Variants in ATRX observed in about 807,000 individuals in gnomAD.
The protein encoded by ATRX is ATRX chromatin remodeler.
A neutral mutation model predicts 172.6 loss-of-function variants in ATRX; 12 were observed. The observed-to-expected ratio is 0.07, with a 90% confidence interval of 0.04 to 0.11. The LOEUF is 0.11. Ranked by LOEUF, ATRX falls within the 10% of genes least tolerant of loss-of-function variation. The pLI is 1.00. For synonymous variants in ATRX, 674 were observed against 594.7 expected (o/e 1.13, Z -1.94); for missense variants, 1,368 against 1,767.4 (o/e 0.77, Z 4.05).
intron 30 of ATRX, among the ~76,000 whole-genome samples, chrX:77,529,743 C>A (rs1234132935): frequency 1.8e-5 from 2 of 111,952 alleles, no homozygotes; most frequent in African/African-American, 6.5e-5. Context: ...GAAGCAACCA[C>A]ACAAACAAGT....
rs781850603 is a variant in ATRX, at chrX:77,786,010, T to C, written c.-9A>G. ...ATGGGCTCAGCGGTCATGTTTTCGC[T>C]TGAACGCCTTGTCGGCTTCTGTGAT... On this transcript the variant is annotated 5_prime_UTR_variant, in exon 1 of 35. Transcript: ENST00000373344. 1.7e-6 allele frequency: 2 copies of C among 1,192,395 alleles called. No homozygotes were observed. The highest frequency in any genetic ancestry group is 2.3e-6 in the Non-Finnish European group (2 of 886,096).
intron 1 of ATRX, among the ~76,000 whole-genome samples, chrX:77,762,856 G>T (rs1009177937): frequency 1.8e-5 from 2 of 111,294 alleles, no homozygotes; most frequent in Non-Finnish European, 3.8e-5. Flanking sequence ...AAACTTTAAT[G>T]TGAGGATAAT....
At chrX:77,640,756 C>A (rs781886077) in intron 15 of ATRX, among the ~76,000 whole-genome samples, 61 of 111,326 alleles carry the variant, frequency 5.5e-4, no homozygotes, top group African/African-American at 2.0e-3. Flanking sequence ...GTTGAAGAAA[C>A]AAAGGTCAGG....
intron 2 of ATRX, among the ~76,000 whole-genome samples, chrX:77,704,307 C>G (rs1438663071): frequency 8.9e-6 from 1 of 111,949 alleles, no homozygotes; most frequent in Non-Finnish European, 1.9e-5. Flanking sequence ...GTGGGTTGCT[C>G]CTCTCTGCAG....
intron 20 of ATRX, among the ~76,000 whole-genome samples, 185 bp from the exon 21 acceptor site, chrX:77,619,166 A>T (rs1232475609): frequency 2.7e-5 from 3 of 111,885 alleles, no homozygotes; most frequent in Non-Finnish European, 5.6e-5. Context: ...TACCAAAACG[A>T]GAGAGAAAAT....
intron 27 of ATRX, among the ~76,000 whole-genome samples, chrX:77,581,209 C>G (rs1190998598): frequency 9.0e-6 from 1 of 111,110 alleles, no homozygotes; most frequent in Non-Finnish European, 1.9e-5. Context: ...AGGAGTAGGT[C>G]CCTACTAATC....
chrX:77,667,760 A>C (rs2148510107), intron 10 of ATRX, among the ~76,000 whole-genome samples: 1 of 112,091 alleles, frequency 8.9e-6, no homozygotes, highest in African/African-American at 3.2e-5. Flanking sequence ...TAAATCATAT[A>C]AAGTGAAATC....
At chrX:77,561,199 C>A (rs1157282089) in intron 28 of ATRX, among the ~76,000 whole-genome samples, 1 of 108,989 alleles carries the variant, frequency 9.2e-6, no homozygotes, top group Non-Finnish European at 1.9e-5. Context: ...AAATGCTGGT[C>A]CAAAATTATT....
chrX:77,767,026 C>T (rs1486696713), intron 1 of ATRX, among the ~76,000 whole-genome samples: 8 of 112,539 alleles, frequency 7.1e-5, no homozygotes, highest in East Asian at 2.8e-4. Context: ...GAGACCAGCC[C>T]GGCCAACACA....
chrX:77,573,344 T>C lies in ATRX; in HGVS notation c.6326+906A>G, dbSNP rs190425421. On this transcript the variant is annotated intron_variant, in intron 28 of 34. Transcript: ENST00000373344. ...AAGCCTACTGATGTACAGTACACTC[T>C]ATGATATTTGCATAGTGACAAAATT... is the stretch of plus-strand genomic sequence containing the variant. Among the ~76,000 whole-genome samples, 9 of 111,999 alleles carry C rather than the reference T, an allele frequency of 8.0e-5. No individual in the cohort carries two copies. In the East Asian group the frequency reaches 2.5e-3, roughly 31 times the overall value.
At chrX:77,717,444 T>C (rs1210074572) in intron 1 of ATRX, among the ~76,000 whole-genome samples, 1 of 109,741 alleles carries the variant, frequency 9.1e-6, no homozygotes, top group African/African-American at 3.3e-5. Context: ...AGGCCAGGTG[T>C]GGTGGCTCAT....
At chrX:77,700,417 A>G (rs2072439554) in intron 2 of ATRX, among the ~76,000 whole-genome samples, 1 of 112,217 alleles carries the variant, frequency 8.9e-6, no homozygotes. Context: ...CCACTCAGGA[A>G]AACAGTTCAG....
chrX:77,534,249 T>A (rs1459058362), intron 30 of ATRX, among the ~76,000 whole-genome samples: 1 of 111,846 alleles, frequency 8.9e-6, no homozygotes, highest in African/African-American at 3.2e-5. Context: ...AAAAAAGACA[T>A]AGGATTTCTG....
At chrX:77,542,493 A>C (rs1557051338) in intron 30 of ATRX, among the ~76,000 whole-genome samples, 1 of 112,281 alleles carries the variant, frequency 8.9e-6, no homozygotes, top group Non-Finnish European at 1.9e-5. Context: ...GAACCAGAAA[A>C]GAGCCTGCAA....
At chrX:77,564,179 T>A (rs190727222) in intron 28 of ATRX, among the ~76,000 whole-genome samples, 1 of 111,558 alleles carries the variant, frequency 9.0e-6, no homozygotes, top group Non-Finnish European at 1.9e-5. Context: ...CATCTCTTAG[T>A]GCAGTCAAAA....
chrX:77,575,603 A>G lies in ATRX; in HGVS notation c.6218-1245T>C, dbSNP rs930331498. The G allele has an allele frequency of 2.7e-5, 3 of 111,812 alleles. No individual in the cohort carries two copies. In the Admixed American group the frequency reaches 2.8e-4, roughly 11 times the overall value. 9.2% of individuals were successfully genotyped at this position (111,812 alleles called of 1,213,427 possible). ...TCTCTAATACCACCTCGATGAATCC[A>G]ACACTTAAAAACTGATAGAGTCATT... On this transcript the variant is annotated intron_variant, in intron 27 of 34. Transcript: ENST00000373344.
Position 77,634,587 on chromosome X carries a change from C to T in ATRX, c.4809+7G>A, listed in dbSNP as rs1557107147. On this transcript the variant is annotated splice_region_variant and intron_variant, in intron 17 of 34. Coordinates refer to ENST00000373344, the MANE Select transcript of ATRX (RefSeq NM_000489.6). Reference sequence around the variant, plus strand: ...AACAGGATACCTTCATATTCTTCAGCTCTTACCTGTAAAGTCTTACCAAGG... The same window carrying T: ...AACAGGATACCTTCATATTCTTCAGTTCTTACCTGTAAAGTCTTACCAAGG... 8.5e-7 allele frequency: 1 copy of T among 1,178,792 alleles called. No homozygotes were observed. Among genetic ancestry groups the T allele is most frequent in the South Asian group, 1.8e-5 (1 of 56,176 alleles).
At position 77,668,683 on chromosome X, in the gene ATRX, G is replaced by A. The variant is rs562989763; in HGVS notation, c.3810-3905C>T. Among the ~76,000 whole-genome samples, 8 of 111,008 alleles carry A rather than the reference G, an allele frequency of 7.2e-5. No individual in the cohort carries two copies. In the South Asian group the frequency reaches 3.1e-3, roughly 42 times the overall value. ...CCACAAACAAACAATGATCGGAACT[G>A]GCGCATGAGAAAATAAATAGGACCC... On this transcript the variant is annotated intron_variant, in intron 10 of 34. Coordinates refer to ENST00000373344, the MANE Select transcript of ATRX (RefSeq NM_000489.6).
At chrX:77,722,380 A>T (rs782190471) in intron 1 of ATRX, among the ~76,000 whole-genome samples, 1 of 110,753 alleles carries the variant, frequency 9.0e-6, no homozygotes, top group African/African-American at 3.3e-5. Flanking sequence ...ATATATATAT[A>T]TATCTCATCA....
Sources: gnomAD v4.1 joint callset for allele counts (sites outside exome capture counted in the v4.1 genomes callset) on GRCh38, gnomAD v4.1.1 for gene constraint, MANE v1.5 for transcripts, NCBI Gene and HGNC (gene_info 2026-07-23, HGNC 2026-07-21) for gene names.